Variants in MSRA observed in about 807,000 individuals in gnomAD.
MSRA encodes mitochondrial peptide methionine sulfoxide reductase.
In MSRA, 54 loss-of-function variants were observed where a neutral mutation model predicts 31.3. The observed-to-expected ratio is 1.73, with a 90% CI of 1.39 to 2.17. The LOEUF is 2.17. MSRA is among the 30% of genes most tolerant of loss of function. MSRA has a pLI of 0.00. For synonymous variants in MSRA, 169 were observed against 116.5 expected (o/e 1.45, Z -2.90); for missense variants, 507 against 300.9 (o/e 1.69, Z -5.07).
intron 5 of MSRA, among the ~76,000 whole-genome samples, chr8:10,324,858 T>A (rs1431176850): frequency 1.3e-5 from 2 of 152,214 alleles, no homozygotes; most frequent in African/African-American, 2.4e-5. Context: ...TGAGGAAGCA[T>A]GTTTCCATTG....
intron 1 of MSRA, among the ~76,000 whole-genome samples, chr8:10,082,985 A>G (rs1798369538): frequency 6.6e-6 from 1 of 152,226 alleles, no homozygotes; most frequent in Admixed American, 6.5e-5. Flanking sequence ...GGAAGCCAAA[A>G]ATAACACAGA....
intron 4 of MSRA, among the ~76,000 whole-genome samples, chr8:10,313,730 G>T (rs748892588): frequency 4.3e-4 from 65 of 152,206 alleles, no homozygotes; most frequent in Non-Finnish European, 7.9e-4. Context: ...GAAAAGCAAA[G>T]ATACTTGCAT....
intron 1 of MSRA, among the ~76,000 whole-genome samples, chr8:10,120,709 G>C (rs1281758260): frequency 6.6e-6 from 1 of 152,210 alleles, no homozygotes; most frequent in African/African-American, 2.4e-5. Flanking sequence ...TTAAAGCGAA[G>C]CCTGGTGAAT....
At chr8:10,401,502 G>C (rs1187004932) in intron 5 of MSRA, among the ~76,000 whole-genome samples, 1 of 152,204 alleles carries the variant, frequency 6.6e-6, no homozygotes, top group African/African-American at 2.4e-5. Flanking sequence ...GAAACAGTTA[G>C]ACAGTTCCTC....
chr8:10,369,652 A>T (rs1480357696), intron 5 of MSRA, among the ~76,000 whole-genome samples: 1 of 152,208 alleles, frequency 6.6e-6, no homozygotes, highest in African/African-American at 2.4e-5. Flanking sequence ...ATGAAAACTT[A>T]AAAATGAGGC....
At chr8:10,281,119 C>T (rs552115846) in intron 3 of MSRA, among the ~76,000 whole-genome samples, 1 of 152,220 alleles carries the variant, frequency 6.6e-6, no homozygotes, top group South Asian at 2.1e-4. Context: ...CTAAAAACCA[C>T]TGAGTTATAT....
intron 1 of MSRA, among the ~76,000 whole-genome samples, chr8:10,083,135 A>T (rs973581088): frequency 6.6e-6 from 1 of 152,164 alleles, no homozygotes; most frequent in African/African-American, 2.4e-5. Context: ...TATCACTCAG[A>T]TACATTTTTT....
chr8:10,232,359 T>C (rs1811565004), intron 2 of MSRA, among the ~76,000 whole-genome samples: 1 of 152,004 alleles, frequency 6.6e-6, no homozygotes, highest in Non-Finnish European at 1.5e-5. Flanking sequence ...AGGTGGAGAG[T>C]GGGGCATTCT....
At chr8:10,270,019 T>C (rs1431532675) in intron 3 of MSRA, among the ~76,000 whole-genome samples, 1 of 152,184 alleles carries the variant, frequency 6.6e-6, no homozygotes, top group African/African-American at 2.4e-5. Context: ...TTGTTATGAG[T>C]GTCAAAGAAG....
At chr8:10,416,487 G>A (rs1808467523) in intron 5 of MSRA, among the ~76,000 whole-genome samples, 1 of 152,248 alleles carries the variant, frequency 6.6e-6, no homozygotes, top group East Asian at 1.9e-4. Flanking sequence ...GGGTGTTGGA[G>A]CCATCACTGG....
At chr8:10,399,360 C>T (rs374835858) in intron 5 of MSRA, among the ~76,000 whole-genome samples, 6 of 152,134 alleles carry the variant, frequency 3.9e-5, no homozygotes, top group South Asian at 2.1e-4. Context: ...CCAGTGTTGG[C>T]GGTGGGCCTG....
At chr8:10,096,885 T>C (rs961507420) in intron 1 of MSRA, among the ~76,000 whole-genome samples, 1 of 152,210 alleles carries the variant, frequency 6.6e-6, no homozygotes, top group African/African-American at 2.4e-5. Context: ...GATTAAGTTA[T>C]GACTTCCTAT....
intron 3 of MSRA, among the ~76,000 whole-genome samples, chr8:10,256,701 G>T (rs978835600): frequency 1.3e-5 from 2 of 152,214 alleles, no homozygotes; most frequent in African/African-American, 2.4e-5. Context: ...TCTCCAGAGT[G>T]TAAGAGTTCA....
chr8:10,069,320 C>G (rs1240332697), intron 1 of MSRA, among the ~76,000 whole-genome samples: 1 of 152,182 alleles, frequency 6.6e-6, no homozygotes, highest in Admixed American at 6.5e-5. Flanking sequence ...TAATAGTGGA[C>G]ATCTTTGCAT....
intron 1 of MSRA, among the ~76,000 whole-genome samples, chr8:10,070,899 A>G (rs1267615162): frequency 6.6e-6 from 1 of 152,222 alleles, no homozygotes; most frequent in African/African-American, 2.4e-5. Context: ...CCATTCACAC[A>G]TTGAAGGATA....
chr8:10,371,902 C>T (rs1350857469), intron 5 of MSRA, among the ~76,000 whole-genome samples: 3 of 152,210 alleles, frequency 2.0e-5, no homozygotes, highest in Non-Finnish European at 4.4e-5. Flanking sequence ...CTCTGACTCT[C>T]TGATTTTGTG....
intron 1 of MSRA, among the ~76,000 whole-genome samples, chr8:10,202,925 G>C (rs1207188060): frequency 1.3e-5 from 2 of 152,100 alleles, no homozygotes; most frequent in African/African-American, 4.8e-5. Flanking sequence ...AAGTGGGAGA[G>C]CTGAGAGTCA....
At chr8:10,424,903 C>G (rs1354840869) in intron 5 of MSRA, among the ~76,000 whole-genome samples, 2 of 152,204 alleles carry the variant, frequency 1.3e-5, no homozygotes, top group East Asian at 1.9e-4. Context: ...CGGGGCCCAC[C>G]CCGGGGGACA....
chr8:10,341,782 A>G (rs1299174394), intron 5 of MSRA, among the ~76,000 whole-genome samples: 1 of 152,196 alleles, frequency 6.6e-6, no homozygotes, highest in African/African-American at 2.4e-5. Flanking sequence ...CCCGACTCGC[A>G]ATGTTCTGTC....
Sources: allele counts gnomAD v4.1 joint callset (sites outside exome capture counted in the v4.1 genomes callset), GRCh38; gene constraint gnomAD v4.1.1; transcripts MANE v1.5; gene names NCBI Gene and HGNC (gene_info 2026-07-23, HGNC 2026-07-21).